The following C6orf132 variants were observed in gnomAD, a reference collection of about 807,000 sequenced individuals.
C6orf132 encodes uncharacterized protein C6orf132.
A neutral mutation model predicts 65.3 loss-of-function variants in C6orf132; 43 were observed. The observed-to-expected ratio is 0.66, with a 90% CI of 0.52 to 0.85. The LOEUF is 0.85. Ranked by LOEUF, C6orf132 falls within the 40% of genes least tolerant of loss-of-function variation. The pLI is 0.00. For synonymous variants in C6orf132, 631 were observed against 654.1 expected (o/e 0.96, Z 0.54); for missense variants, 1,488 against 1,548.8 (o/e 0.96, Z 0.66).
chr6:42,141,406 T>A (rs1385856795), intron 1 of C6orf132, among the ~76,000 whole-genome samples: 3 of 152,216 alleles, frequency 2.0e-5, no homozygotes, highest in Admixed American at 6.5e-5. Context: ...GAGCCACATG[T>A]CATACACAAG....
chr6:42,107,362 G>T lies in C6orf132; in HGVS notation c.550C>A (p.Pro184Thr). ...PPLLLEPPPP[P>T]SMAPPPPPVL... ...GGGGGTGGAGGTGGGGCCATGCTGG[G>T]CGGGGGTGGGGGTTCCAGCAGCAGG... The change falls in exon 4 of 5, where the codon CCC becomes ACC. Residue 184 changes from proline to threonine, a missense_variant. Pro to Thr is a conservative substitution (Grantham distance 38). Transcript: ENST00000341865. The T allele has an allele frequency of 9.6e-7, 1 of 1,043,470 alleles. No homozygotes were observed. The highest frequency in any genetic ancestry group is 1.4e-6 in the Non-Finnish European group (1 of 719,796). 64.6% of individuals were successfully genotyped at this position (1,043,470 alleles called of 1,614,324 possible). A position where few individuals can be genotyped will look rare whatever the true frequency, so the allele number is the denominator to read the frequency against.
chr6:42,136,952 G>C (rs138786361), intron 1 of C6orf132, among the ~76,000 whole-genome samples: 1 of 152,288 alleles, frequency 6.6e-6, no homozygotes, highest in South Asian at 2.1e-4. Context: ...CGGCTTCCAA[G>C]CTAGGACTCG....
chr6:42,111,624 C>T (rs1261161947), intron 2 of C6orf132, among the ~76,000 whole-genome samples: 1 of 152,038 alleles, frequency 6.6e-6, no homozygotes, highest in Non-Finnish European at 1.5e-5. Flanking sequence ...GTGGTTTCGT[C>T]ATGTCTCCCA....
chr6:42,127,590 G>A (rs1228742689), intron 2 of C6orf132, among the ~76,000 whole-genome samples: 1 of 152,200 alleles, frequency 6.6e-6, no homozygotes, highest in Non-Finnish European at 1.5e-5. Flanking sequence ...TGAGAGCTCA[G>A]ACCAGGGCAA....
At chr6:42,135,064 C>T (rs1348461089) in intron 1 of C6orf132, among the ~76,000 whole-genome samples, 5 of 152,206 alleles carry the variant, frequency 3.3e-5, no homozygotes, top group Non-Finnish European at 5.9e-5. Flanking sequence ...TCTCTCTGCT[C>T]CACCTTACTT....
intron 2 of C6orf132, among the ~76,000 whole-genome samples, chr6:42,127,114 C>T (rs1239593570): frequency 6.6e-6 from 1 of 152,052 alleles, no homozygotes; most frequent in Non-Finnish European, 1.5e-5. Context: ...ACCACCACAC[C>T]TCACTAATTT....
At chr6:42,119,248 CAAAAA>C (rs1156356191) in intron 2 of C6orf132, among the ~76,000 whole-genome samples, 635 of 44,690 alleles carry the variant, frequency 0.014, 3 homozygotes, top group African/African-American at 0.056. Context: ...GACTCTGTCT[CAAAAA>C]AAAAAAAAAA....
intron 1 of C6orf132, among the ~76,000 whole-genome samples, chr6:42,132,524 TAAG>T (rs368964447): frequency 0.19 from 27,950 of 143,430 alleles, 2,746 homozygotes; most frequent in Middle Eastern, 0.24. Flanking sequence ...CAAAAAATAA[TAAG>T]AAGAAGAAGA....
chr6:42,140,420 A>G (rs764942252), intron 1 of C6orf132, among the ~76,000 whole-genome samples: 7 of 152,266 alleles, frequency 4.6e-5, no homozygotes, highest in Middle Eastern at 3.4e-3. Context: ...TGTGTGTGGT[A>G]TTTTCCAGGC....
Position 42,103,667 on chromosome 6 carries a change from A to G in C6orf132, c.*94T>C. On this transcript the variant is annotated 3_prime_UTR_variant, in exon 5 of 5. Coordinates refer to ENST00000341865, the MANE Select transcript of C6orf132 (RefSeq NM_001164446.3). The stretch of plus-strand genomic sequence containing the variant: ...CTCTGTGTCTGAGTCAGGTCGCCCA[A>G]CACCTGCTGTGTACCTCCCACCCCC... 6 of 767,558 alleles carry G rather than the reference A, an allele frequency of 7.8e-6. No individual in the cohort carries two copies. Among genetic ancestry groups the G allele is most frequent in the Non-Finnish European group, 1.1e-5 (6 of 547,930 alleles). 47.5% of individuals were successfully genotyped at this position (767,558 alleles called of 1,614,324 possible).
rs200193767 is a variant in C6orf132 at position 42,104,234 on chromosome 6, GAGAC to G, written c.3449+225_3449+228del. Among the ~76,000 whole-genome samples, 2,380 of 152,366 alleles carry G rather than the reference GAGAC, an allele frequency of 0.016. 67 individuals carry two copies. Among genetic ancestry groups the G allele is most frequent in the African/African-American group, 0.055 (2,270 of 41,580 alleles). On this transcript the variant is annotated intron_variant, in intron 4 of 4. Transcript: ENST00000341865. This position sits in a 1 kb window ranked among gnomAD's most constrained non-coding sequence, Gnocchi z 4.1. ...CCTCTGGGATCTAGCGGGCAGGAGA[GAGAC>G]AGACGAGAGGAGCTGGTGGGGAAAG...
rs1378183994 is a variant in C6orf132 at position 42,104,868 on chromosome 6, T to C, written c.3044A>G (p.Asn1015Ser). The change falls in exon 4 of 5, where the codon AAC becomes AGC. Residue 1015 changes from asparagine to serine, a missense_variant. Physicochemically the swap from Asn to Ser is conservative, Grantham distance 46. Transcript: ENST00000341865. The surrounding 1 kb of genome is among the most constrained non-coding windows in gnomAD (Gnocchi z 4.1). Reference sequence around the variant, plus strand: ...GAGCTGCCTCAAGTCTGAGTAGTTGTTCCGGGGAGGGGAGCTCTGGCGGCC... The same window carrying C: ...GAGCTGCCTCAAGTCTGAGTAGTTGCTCCGGGGAGGGGAGCTCTGGCGGCC... The part of the protein sequence containing the change: ...YLGRQSSPPR[N>S]NYSDLRQLPN... 3.4e-6 allele frequency: 5 copies of C among 1,449,908 alleles called. No homozygotes were observed. In the South Asian group the frequency reaches 5.7e-5, roughly 16 times the overall value. 89.8% of individuals were successfully genotyped at this position (1,449,908 alleles called of 1,614,324 possible).
intron 1 of C6orf132, among the ~76,000 whole-genome samples, chr6:42,131,823 T>C (rs1316536399): frequency 4.6e-5 from 7 of 152,232 alleles, no homozygotes; most frequent in African/African-American, 1.4e-4. Flanking sequence ...AAGAACATAA[T>C]TGTTCTCTGT....
chr6:42,116,392 G>A (rs912575379), intron 2 of C6orf132, among the ~76,000 whole-genome samples: 2 of 151,908 alleles, frequency 1.3e-5, no homozygotes, highest in Non-Finnish European at 2.9e-5. Flanking sequence ...CTGTCTTTTC[G>A]GGCACCTTGC....
At position 42,101,992 on chromosome 6, in the gene C6orf132, C is replaced by T. The variant is rs993484256; in HGVS notation, c.*1769G>A. 3 of 152,260 alleles carry T rather than the reference C, an allele frequency of 2.0e-5. No homozygotes were observed. Among genetic ancestry groups the T allele is most frequent in the Non-Finnish European group, 4.4e-5 (3 of 68,066 alleles). 9.4% of individuals were successfully genotyped at this position (152,260 alleles called of 1,614,324 possible). A position where few individuals can be genotyped will look rare whatever the true frequency, so the allele number is the denominator to read the frequency against. ...GGCACTCTCCAGTCCTTCCTTCTTA[C>T]TGAGGCAGCCCACCTTGACCTGGTC... On this transcript the variant is annotated 3_prime_UTR_variant, in exon 5 of 5. Transcript: ENST00000341865.
chr6:42,106,783 C>T lies in C6orf132; in HGVS notation c.1129G>A (p.Gly377Ser). Residue 377 changes from glycine (G) to serine (S), a missense_variant, in exon 4 of 5, where the codon GGC becomes AGC. By Grantham distance (56) the Gly-to-Ser change is moderately conservative. Coordinates refer to ENST00000341865, the MANE Select transcript of C6orf132 (RefSeq NM_001164446.3). The stretch of plus-strand genomic sequence containing the variant: ...TCATCTGCTTGGGACTGGGACTGGC[C>T]AAGCCTTGGGCTGGCTGGTGCTGTG... ...KATAPASPRL[G>S]QSQSQADERA... 2 of 1,534,328 alleles carry T rather than the reference C, an allele frequency of 1.3e-6. No individual in the cohort carries two copies. The highest frequency in any genetic ancestry group is 1.7e-6 in the Non-Finnish European group (2 of 1,146,688).
rs1409932012 is a variant in C6orf132 at position 42,142,599 on chromosome 6, G to A, written c.-155C>T. On this transcript the variant is annotated 5_prime_UTR_variant, in exon 1 of 5. Coordinates refer to ENST00000341865, the MANE Select transcript of C6orf132 (RefSeq NM_001164446.3). ...GCGCACCGGGCAACAGGTGCTGCGG[G>A]CGCCGCCGCTTGCCGGGAAATGCGA... The A allele has an allele frequency of 2.9e-6, 1 of 346,556 alleles. No individual in the cohort carries two copies. The highest frequency in any genetic ancestry group is 8.0e-5 in the East Asian group (1 of 12,526). The allele number at this position is 346,556 out of a possible 1,614,324, so 21.5% of individuals were successfully genotyped here.
At position 42,104,450 on chromosome 6, in the gene C6orf132, G is replaced by A; in HGVS notation, c.3449+13C>T. The A allele has an allele frequency of 8.1e-7, 1 of 1,230,538 alleles. No homozygotes were observed. The highest frequency in any genetic ancestry group is 1.0e-6 in the Non-Finnish European group (1 of 987,326). 76.2% of individuals were successfully genotyped at this position (1,230,538 alleles called of 1,614,324 possible). On this transcript the variant is annotated intron_variant, in intron 4 of 4. Transcript: ENST00000341865. The surrounding 1 kb of genome is among the most constrained non-coding windows in gnomAD (Gnocchi z 4.1). ...CCTCCTGGCTTCCCGCACCAGCCGG[G>A]CCCGCAGCTCACCTGCCGGCAGCTG...
chr6:42,105,314 TC>T lies in C6orf132; in HGVS notation c.2597del (p.Gly866GlufsTer43). ...CTTGGTGGCTGTGGTCACGGAGACT[TC>T]CTGGCAGAGAGGACCGACCCAGGGC... ...GAALGRSSLP[G>X]SLRDHSHQAE... On this transcript the variant is annotated frameshift_variant, in exon 4 of 5. Transcript: ENST00000341865. LOFTEE classifies it high-confidence loss of function. The T allele has an allele frequency of 1.3e-6, 2 of 1,537,020 alleles. No individual in the cohort carries two copies. Among genetic ancestry groups the T allele is most frequent in the Non-Finnish European group, 1.7e-6 (2 of 1,146,878 alleles).
Sources: allele counts gnomAD v4.1 joint callset (sites outside exome capture counted in the v4.1 genomes callset), GRCh38; gene constraint gnomAD v4.1.1; non-coding constraint Gnocchi (gnomAD v3.1); transcripts MANE v1.5; gene names NCBI Gene and HGNC (gene_info 2026-07-23, HGNC 2026-07-21).